The following IRF2 variants were observed in gnomAD, a reference collection of about 807,000 sequenced individuals.
IRF2 encodes interferon regulatory factor 2.
Under a neutral mutation model 40.6 loss-of-function variants are expected in IRF2, and 15 were observed. The observed-to-expected ratio is 0.37, with a 90% CI of 0.25 to 0.57. The LOEUF (loss-of-function observed/expected upper bound fraction) is 0.57, where lower values mean the gene tolerates loss of function less well. IRF2 is among the 20% of genes least tolerant of loss of function. The pLI is 0.77. For synonymous variants in IRF2, 151 were observed against 165.5 expected, an observed-to-expected ratio of 0.91 and a Z score of 0.67; for missense variants, 317 against 455.7, an observed-to-expected ratio of 0.70 and a Z score of 2.77.
At chr4:184,399,457 C>T (rs1050581620) in intron 6 of IRF2, among the ~76,000 whole-genome samples, 7 of 152,224 alleles carry the variant, frequency 4.6e-5, no homozygotes, top group African/African-American at 1.7e-4. Context: ...CCGATTTCTG[C>T]TCCCTGCTCT....
At chr4:184,437,693 T>C (rs182062306) in intron 1 of IRF2, among the ~76,000 whole-genome samples, 70 of 152,276 alleles carry the variant, frequency 4.6e-4, no homozygotes, top group African/African-American at 1.5e-3. Context: ...GCTGCTATAA[T>C]GACTTCTGAG....
At position 184,408,304 on chromosome 4, in the gene IRF2, AG is replaced by A; in HGVS notation, c.412-30del. The A allele has an allele frequency of 7.4e-7, 1 of 1,344,936 alleles. No individual in the cohort carries two copies. The allele number at this position is 1,344,936 out of a possible 1,614,324, so 83.3% of individuals were successfully genotyped here. On this transcript the variant is annotated intron_variant, in intron 5 of 8. Coordinates refer to ENST00000393593, the MANE Select transcript of IRF2 (RefSeq NM_002199.4). The surrounding 1 kb of genome is among the most constrained non-coding windows in gnomAD (Gnocchi z 4.9). The stretch of plus-strand genomic sequence containing the variant: ...GGAAGAAGAAAAGAAAAAAGAATTG[AG>A]AACACTTCCTTTCCCCTCCCTTCTC...
rs1164252331 is a variant in IRF2, at chr4:184,388,710, CA to C, written c.*47del. On this transcript the variant is annotated 3_prime_UTR_variant, in exon 9 of 9. Transcript: ENST00000393593. This position sits in a 1 kb window ranked among gnomAD's most constrained non-coding sequence, Gnocchi z 4.6. The stretch of plus-strand genomic sequence containing the variant: ...AAAAAAATAAAATACAAACAAACAA[CA>C]AAACAAAGCCAAGAAGCCCCAACAA... 1 of 1,551,368 alleles carries C rather than the reference CA, an allele frequency of 6.4e-7. No individual in the cohort carries two copies. The highest frequency in any genetic ancestry group is 1.4e-5 in the African/African-American group (1 of 71,634).
intron 7 of IRF2, among the ~76,000 whole-genome samples, chr4:184,396,112 T>G (rs904314546): frequency 2.0e-5 from 3 of 152,176 alleles, no homozygotes; most frequent in African/African-American, 7.2e-5. Context: ...AAGTCATGGG[T>G]TTTTAGCCAT....
intron 2 of IRF2, among the ~76,000 whole-genome samples, chr4:184,425,988 TTG>T (rs1427132791): frequency 0.11 from 15,722 of 148,786 alleles, 1,080 homozygotes; most frequent in African/African-American, 0.19. Flanking sequence ...TTTTGTTTGT[TTG>T]TTTGTTTGTT....
intron 7 of IRF2, among the ~76,000 whole-genome samples, chr4:184,395,359 G>A: frequency 7.1e-6 from 1 of 139,942 alleles, no homozygotes; most frequent in African/African-American, 2.7e-5. Flanking sequence ...CTTGCAGTGA[G>A]CCGAGATCGC....
At chr4:184,404,814 C>T (rs1736792100) in intron 6 of IRF2, among the ~76,000 whole-genome samples, 4 of 152,304 alleles carry the variant, frequency 2.6e-5, no homozygotes, top group Admixed American at 2.6e-4. Context: ...TGACTACAGG[C>T]TGCATACACC....
At chr4:184,417,958 T>C (rs923398586) in intron 5 of IRF2, among the ~76,000 whole-genome samples, 7 of 152,170 alleles carry the variant, frequency 4.6e-5, no homozygotes, top group African/African-American at 1.7e-4. Context: ...TTCATAAATT[T>C]CCCAGAGAAA....
In IRF2 at chr4:184,413,790, C is replaced by T. The variant is rs1279238428; in HGVS notation, c.411+4377G>A. Among the ~76,000 whole-genome samples the T allele has an allele frequency of 6.6e-6, 1 of 152,214 alleles. No homozygotes were observed. Among genetic ancestry groups the T allele is most frequent in the African/African-American group, 2.4e-5 (1 of 41,458 alleles). On this transcript the variant is annotated intron_variant, in intron 5 of 8. Transcript: ENST00000393593. The surrounding 1 kb of genome is among the most constrained non-coding windows in gnomAD (Gnocchi z 4.2). ...TTCAGCTGCAAACAACCCTCCGAAG[C>T]AGGAAGTACCCATTTCTATTCGCCC...
intron 1 of IRF2, among the ~76,000 whole-genome samples, chr4:184,456,310 G>A (rs1415932954): frequency 6.6e-6 from 1 of 152,194 alleles, no homozygotes; most frequent in Non-Finnish European, 1.5e-5. Context: ...CCTAGAAGAG[G>A]GGGCATCTGA....
At chr4:184,465,847 G>A (rs1739298905) in intron 1 of IRF2, among the ~76,000 whole-genome samples, 1 of 152,170 alleles carries the variant, frequency 6.6e-6, no homozygotes, top group Non-Finnish European at 1.5e-5. Flanking sequence ...CTTCACGTAA[G>A]TAGGTTCCAA....
intron 1 of IRF2, among the ~76,000 whole-genome samples, chr4:184,453,297 A>G (rs1738795751): frequency 6.6e-6 from 1 of 152,248 alleles, no homozygotes; most frequent in South Asian, 2.1e-4. Context: ...ATTGAAACTC[A>G]TGCTGGGACC....
chr4:184,425,252 T>C (rs1020168213), intron 2 of IRF2, among the ~76,000 whole-genome samples: 2 of 152,200 alleles, frequency 1.3e-5, no homozygotes, highest in Admixed American at 6.5e-5. Context: ...TGCTTGTGAA[T>C]GGGAGGGAAG....
At chr4:184,418,265 A>G in intron 4 of IRF2, 52 bp from the exon 5 acceptor site, 1 of 1,350,260 alleles carries the variant, frequency 7.4e-7, no homozygotes, top group Non-Finnish European at 1.1e-6. Context: ...GCCTCCAGAG[A>G]AACATTTCCC....
chr4:184,466,921 C>A (rs2063888178), intron 1 of IRF2, among the ~76,000 whole-genome samples: 1 of 152,182 alleles, frequency 6.6e-6, no homozygotes, highest in Non-Finnish European at 1.5e-5. Flanking sequence ...TGTATCTAAA[C>A]ATAGCAAAAG....
intron 1 of IRF2, among the ~76,000 whole-genome samples, chr4:184,455,110 C>T (rs968151210): frequency 7.2e-5 from 11 of 152,130 alleles, no homozygotes; most frequent in African/African-American, 2.7e-4. Context: ...GGTTCCACAA[C>T]GCCCATTGAA....
chr4:184,462,078 G>A (rs1739168910), intron 1 of IRF2, among the ~76,000 whole-genome samples: 1 of 152,128 alleles, frequency 6.6e-6, no homozygotes, highest in South Asian at 2.1e-4. Flanking sequence ...AGCATCCTAA[G>A]AAAGAGCCAA....
chr4:184,415,853 A>G (rs1010262674), intron 5 of IRF2, among the ~76,000 whole-genome samples: 4 of 152,214 alleles, frequency 2.6e-5, no homozygotes, highest in African/African-American at 9.6e-5. Context: ...GCATCTATTC[A>G]GTTATCAAAT....
At chr4:184,473,853 C>CCGCT (rs1224726509) in intron 1 of IRF2, 1 of 152,140 alleles carries the variant, frequency 6.6e-6, no homozygotes, top group East Asian at 1.9e-4. Flanking sequence ...CGAGAAGGAC[C>CCGCT]CGCTCCCCTC....
Sources: allele counts gnomAD v4.1 joint callset (sites outside exome capture counted in the v4.1 genomes callset), GRCh38; gene constraint gnomAD v4.1.1; non-coding constraint Gnocchi (gnomAD v3.1); transcripts MANE v1.5; gene names NCBI Gene and HGNC (gene_info 2026-07-23, HGNC 2026-07-21).